Variants in DLAT observed in about 807,000 individuals in gnomAD.
DLAT encodes the protein dihydrolipoyllysine-residue acetyltransferase component of pyruvate dehydrogenase complex, mitochondrial.
Under a neutral mutation model 68.0 loss-of-function variants are expected in DLAT, and 43 were observed. That is an observed-to-expected ratio of 0.63 (90% CI 0.50 to 0.81). DLAT has a LOEUF of 0.81. DLAT is among the 40% of genes least tolerant of loss of function. The pLI is 0.00. For missense variants in DLAT, 745 were observed against 815.4 expected, an observed-to-expected ratio of 0.91 and a Z score of 1.05; for synonymous variants, 265 against 288.6, an observed-to-expected ratio of 0.92 and a Z score of 0.83.
chr11:112,028,569 G>A lies in DLAT; in HGVS notation c.436G>A (p.Ala146Thr), dbSNP rs1201600211. The A allele has an allele frequency of 1.9e-6, 3 of 1,614,022 alleles. No homozygotes were observed. The highest frequency in any genetic ancestry group is 2.5e-6 in the Non-Finnish European group (3 of 1,180,032). Residue 146 changes from alanine to threonine, a missense_variant, in exon 3 of 14, where the codon GCA becomes ACA. Ala to Thr is a moderately conservative substitution (Grantham distance 58). Transcript: ENST00000280346. ...TGAGAGCCTGGAGGAGTGTTATATG[G>A]CAAAGATACTTGTTGCTGAAGGTAC... Reference protein sequence around the residue: ...GFESLEECYMAKILVAEGTRD... With the variant: ...GFESLEECYMTKILVAEGTRD...
intron 10 of DLAT, among the ~76,000 whole-genome samples, chr11:112,050,788 A>G (rs1863575842): frequency 6.6e-6 from 1 of 152,350 alleles, no homozygotes; most frequent in East Asian, 1.9e-4. Flanking sequence ...AAAGAACCAA[A>G]TTTTGTTATT....
rs782611166 is a variant in DLAT at position 112,062,567 on chromosome 11, C to T, written c.*32C>T. The T allele has an allele frequency of 1.2e-6, 2 of 1,607,494 alleles. No homozygotes were observed. The highest frequency in any genetic ancestry group is 1.7e-6 in the Non-Finnish European group (2 of 1,176,068). ...CAAGAATTTCTAAACTCTCCCAGGT[C>T]ACACTGATTCATTCTTAACAAGATA... On this transcript the variant is annotated 3_prime_UTR_variant, in exon 14 of 14. Coordinates refer to ENST00000280346, the MANE Select transcript of DLAT (RefSeq NM_001931.5).
At chr11:112,033,602 C>A in intron 5 of DLAT, 72 bp downstream of exon 5, 1 of 1,549,218 alleles carries the variant, frequency 6.5e-7, no homozygotes, top group Non-Finnish European at 8.9e-7. Context: ...CCATTCTTTC[C>A]TATAATGAGT....
intron 11 of DLAT, among the ~76,000 whole-genome samples, chr11:112,054,945 A>T (rs1863914202): frequency 1.3e-5 from 2 of 152,148 alleles, no homozygotes; most frequent in African/African-American, 4.8e-5. Context: ...TTCTCTTAAG[A>T]GGACAGTTGG....
chr11:112,064,185 A>G lies in DLAT; in HGVS notation c.*1650A>G. 6.4e-7 allele frequency: 1 copy of G among 1,571,622 alleles called. No individual in the cohort carries two copies. The highest frequency in any genetic ancestry group is 1.2e-5 in the South Asian group (1 of 84,944). On this transcript the variant is annotated 3_prime_UTR_variant, in exon 14 of 14. Coordinates refer to ENST00000280346, the MANE Select transcript of DLAT (RefSeq NM_001931.5). ...TCAAACATTCAAAACTTCAAAGATA[A>G]TTCATCTTTCGCTAATGCTTGTGGT... is the stretch of plus-strand genomic sequence containing the variant.
Position 112,026,264 on chromosome 11 carries a change from G to A in DLAT, c.346G>A (p.Gly116Arg), listed in dbSNP as rs1175619873. The A allele has an allele frequency of 1.2e-6, 2 of 1,609,050 alleles. No individual in the cohort carries two copies. The highest frequency in any genetic ancestry group is 1.7e-6 in the Non-Finnish European group (2 of 1,177,368). The change falls in exon 2 of 14, where the codon GGG becomes AGG. Residue 116 changes from glycine to arginine, a missense_variant. By Grantham distance (125) the Gly-to-Arg change is moderately radical. Transcript: ENST00000280346. ...GTIARWEKKE[G>R]DKINEGDLIA... ...CATAGCCCGTTGGGAAAAAAAAGAGGGGGACAAAATCAATGAAGGTGACCT... is the reference window on the plus strand; with the variant it reads ...CATAGCCCGTTGGGAAAAAAAAGAGAGGGACAAAATCAATGAAGGTGACCT...
intron 5 of DLAT, among the ~76,000 whole-genome samples, chr11:112,035,756 G>A (rs1372063429): frequency 6.8e-6 from 1 of 147,788 alleles, no homozygotes; most frequent in African/African-American, 2.5e-5. Context: ...CCAAAGTGCT[G>A]GGATTACAGG....
In DLAT at chr11:112,045,216, A is replaced by G; in HGVS notation, c.1276A>G (p.Ser426Gly). The change falls in exon 9 of 14, where the codon AGC (serine) becomes GGC (glycine). Residue 426 changes from serine (S) to glycine (G), a missense_variant. Physicochemically the swap from Ser to Gly is moderately conservative, Grantham distance 56 (BLOSUM62 0). Transcript: ENST00000280346. ...PTGVFTDIPISNIRRVIAQRL... is the reference protein window; with the variant it reads ...PTGVFTDIPIGNIRRVIAQRL... ...AGGTGTCTTCACAGATATCCCAATCAGCAACATTCGTCGGGTAAGAGAATT... is the reference window on the plus strand; with the variant it reads ...AGGTGTCTTCACAGATATCCCAATCGGCAACATTCGTCGGGTAAGAGAATT... 1.2e-6 allele frequency: 2 copies of G among 1,614,060 alleles called. No individual in the cohort carries two copies. Among genetic ancestry groups the G allele is most frequent in the Non-Finnish European group, 1.7e-6 (2 of 1,179,938 alleles).
Position 112,051,458 on chromosome 11 carries a change from A to T in DLAT, c.1514+109A>T. ...GAAATGGAATACAGAGAGGCAGATG[A>T]CTTACATAGGTCAAACAACTTGAAA... On this transcript the variant is annotated intron_variant, in intron 11 of 13. Transcript: ENST00000280346. This position sits in a 1 kb window ranked among gnomAD's most constrained non-coding sequence, Gnocchi z 4.3. 3.7e-6 allele frequency: 3 copies of T among 801,458 alleles called. No homozygotes were observed. The highest frequency in any genetic ancestry group is 4.2e-6 in the Non-Finnish European group (2 of 473,040). 49.6% of individuals were successfully genotyped at this position (801,458 alleles called of 1,614,324 possible). A position where few individuals can be genotyped will look rare whatever the true frequency, so the allele number is the denominator to read the frequency against.
intron 7 of DLAT, among the ~76,000 whole-genome samples, chr11:112,041,070 A>C (rs1014927324): frequency 6.6e-6 from 1 of 152,220 alleles, no homozygotes; most frequent in African/African-American, 2.4e-5. Context: ...TATGACCAAC[A>C]ATAAAGAATT....
chr11:112,043,664 C>T (rs1863158333), intron 8 of DLAT, 131 bp downstream of exon 8: 9 of 915,714 alleles, frequency 9.8e-6, no homozygotes, highest in Non-Finnish European at 5.4e-6. Flanking sequence ...TTTAATAATA[C>T]AGTCATCCCT....
chr11:112,050,334 T>C (rs587725900), intron 10 of DLAT, among the ~76,000 whole-genome samples: 13 of 152,232 alleles, frequency 8.5e-5, no homozygotes, highest in Middle Eastern at 3.4e-3. Context: ...TTTTTTTTTT[T>C]TTCTTCTAAT....
Position 112,064,351 on chromosome 11 carries a change from G to T in DLAT, c.*1816G>T. On this transcript the variant is annotated 3_prime_UTR_variant, in exon 14 of 14. Coordinates refer to ENST00000280346, the MANE Select transcript of DLAT (RefSeq NM_001931.5). The stretch of plus-strand genomic sequence containing the variant: ...AAAAAAGTTAGAAATAGTGTTTTTG[G>T]TTCATATGATTATTTAAAAATTAAA... 1 of 727,688 alleles carries T rather than the reference G, an allele frequency of 1.4e-6. No individual in the cohort carries two copies. Among genetic ancestry groups the T allele is most frequent in the Non-Finnish European group, 2.1e-6 (1 of 479,324 alleles). The allele number at this position is 727,688 out of a possible 1,614,324, so 45.1% of individuals were successfully genotyped here.
chr11:112,026,972 G>T (rs1862063616), intron 2 of DLAT, among the ~76,000 whole-genome samples: 1 of 150,886 alleles, frequency 6.6e-6, no homozygotes, highest in African/African-American at 2.4e-5. Context: ...CCCGGACGGG[G>T]CGGCTGGCTG....
Position 112,039,272 on chromosome 11 carries a change from C to G in DLAT, c.1004C>G (p.Pro335Arg), listed in dbSNP as rs1862932991. Residue 335 changes from proline (P) to arginine (R), a missense_variant, in exon 7 of 14, where the codon CCT becomes CGT. Coordinates refer to ENST00000280346, the MANE Select transcript of DLAT (RefSeq NM_001931.5). ...GCCGCTGTTCCTCCAACTCCCCAGC[C>G]TTTAGCTCCTACACCTTCAGCACCC... ...PVAAVPPTPQ[P>R]LAPTPSAPCP... 6.2e-7 allele frequency: 1 copy of G among 1,613,970 alleles called. No individual in the cohort carries two copies. The highest frequency in any genetic ancestry group is 1.7e-5 in the Admixed American group (1 of 59,988).
Position 112,030,557 on chromosome 11 carries a change from A to C in DLAT, c.660+1612A>C, listed in dbSNP as rs137951525. On this transcript the variant is annotated intron_variant, in intron 4 of 13. Coordinates refer to ENST00000280346, the MANE Select transcript of DLAT (RefSeq NM_001931.5). ...AGTAGTCCAATAGTATTAATAAATGAGAAAACTGACAAAAGTTAAGTGTAA... is the reference window on the plus strand; with the variant it reads ...AGTAGTCCAATAGTATTAATAAATGCGAAAACTGACAAAAGTTAAGTGTAA... Among the ~76,000 whole-genome samples, 470 of 152,360 alleles carry C rather than the reference A, an allele frequency of 3.1e-3. 4 individuals are homozygous for C. The highest frequency in any genetic ancestry group is 0.01 in the African/African-American group (423 of 41,586).
chr11:112,039,170 G>T, intron 6 of DLAT, 74 bp from the exon 7 acceptor site: 1 of 1,394,478 alleles, frequency 7.2e-7, no homozygotes, highest in Admixed American at 1.8e-5. Flanking sequence ...TTATTAATAA[G>T]ATGTAAACTT....
At chr11:112,027,966 A>T (rs587623558) in intron 2 of DLAT, among the ~76,000 whole-genome samples, 18 of 151,220 alleles carry the variant, frequency 1.2e-4, no homozygotes, top group Admixed American at 1.1e-3. Context: ...AGTTGTTTTA[A>T]AGTAACGGAG....
At chr11:112,047,097 G>A (rs782731167) in intron 10 of DLAT, among the ~76,000 whole-genome samples, 11 of 152,212 alleles carry the variant, frequency 7.2e-5, no homozygotes, top group Non-Finnish European at 1.6e-4. Context: ...CAGTGTAAAA[G>A]CGTTCCTATT....
Sources: gnomAD v4.1 joint callset for allele counts (sites outside exome capture counted in the v4.1 genomes callset) on GRCh38, gnomAD v4.1.1 for gene constraint, Gnocchi (gnomAD v3.1) non-coding constraint, MANE v1.5 for transcripts, NCBI Gene and HGNC (gene_info 2026-07-23, HGNC 2026-07-21) for gene names.